KLF12: variants seen among roughly 807,000 people sequenced by gnomAD.
KLF12 encodes the protein KLF transcription factor 12, also known as Krueppel-like factor 12.
Under a neutral mutation model 37.8 loss-of-function variants are expected in KLF12, and 9 were observed. That is an observed-to-expected ratio of 0.24 (90% confidence interval 0.14 to 0.42). The LOEUF is 0.42. KLF12 is among the 10% of genes least tolerant of loss of function. KLF12 has a pLI of 1.00. For missense variants in KLF12, 411 were observed against 516.0 expected (o/e 0.80, Z 1.97); for synonymous variants, 208 against 202.1 (o/e 1.03, Z -0.25).
intron 1 of KLF12, among the ~76,000 whole-genome samples, chr13:74,067,619 G>A (rs1873990189): frequency 6.6e-6 from 1 of 152,118 alleles, no homozygotes; most frequent in Non-Finnish European, 1.5e-5. Flanking sequence ...AAAAACCACA[G>A]GAATTAATGA....
At chr13:74,264,850 C>G in the KLF12 span, among the ~76,000 whole-genome samples, 7 of 151,948 alleles carry the variant, frequency 4.6e-5, no homozygotes, top group Non-Finnish European at 8.8e-5. Flanking sequence ...CAAACATGCT[C>G]AACCAAAAAG....
At chr13:73,885,070 C>A (rs1279003038) in intron 3 of KLF12, among the ~76,000 whole-genome samples, 2 of 152,228 alleles carry the variant, frequency 1.3e-5, no homozygotes, top group Non-Finnish European at 2.9e-5. Flanking sequence ...ACTCTAATTA[C>A]TTTCCTAGGT....
At position 73,691,656 on chromosome 13, in the gene KLF12, G is replaced by T. The variant is rs1240095426; in HGVS notation, c.*3834C>A. 6.6e-6 allele frequency: 1 copy of T among 152,476 alleles called. No homozygotes were observed. The highest frequency in any genetic ancestry group is 1.5e-5 in the Non-Finnish European group (1 of 68,006). The allele number at this position is 152,476 out of a possible 1,614,324, so 9.4% of individuals were successfully genotyped here. On this transcript the variant is annotated 3_prime_UTR_variant, in exon 8 of 8. Coordinates refer to ENST00000377669, the MANE Select transcript of KLF12 (RefSeq NM_007249.5). ...AAGCAGTCATAACAACATAACAAAG[G>T]CGTATTAATACATTTTGAAGGCCTC... is the stretch of plus-strand genomic sequence containing the variant.
At chr13:73,724,967 T>TA (rs143010932) in intron 6 of KLF12, among the ~76,000 whole-genome samples, 6,225 of 152,278 alleles carry the variant, frequency 0.041, 442 homozygotes, top group African/African-American at 0.14. Flanking sequence ...ACTACACACT[T>TA]ACGCTATTTC....
intron 6 of KLF12, among the ~76,000 whole-genome samples, chr13:73,756,011 C>T (rs1007710277): frequency 2.0e-5 from 3 of 152,232 alleles, no homozygotes; most frequent in African/African-American, 4.8e-5. Context: ...GACTGATGGG[C>T]ATTTGGGCTG....
chr13:73,958,559 C>A (rs1291708295), intron 2 of KLF12, among the ~76,000 whole-genome samples: 2 of 151,822 alleles, frequency 1.3e-5, no homozygotes, highest in Non-Finnish European at 2.9e-5. Flanking sequence ...TTTTTTTAAA[C>A]TTGTAAAATG....
intron 1 of KLF12, among the ~76,000 whole-genome samples, chr13:74,118,493 G>A (rs1169371153): frequency 6.6e-6 from 1 of 152,128 alleles, no homozygotes; most frequent in East Asian, 1.9e-4. Flanking sequence ...AGGAAATCTG[G>A]TTTCCTCTGA....
chr13:74,140,246 G>T, the KLF12 span, among the ~76,000 whole-genome samples: 1 of 152,174 alleles, frequency 6.6e-6, no homozygotes, highest in Non-Finnish European at 1.5e-5. Context: ...TTTATGGCCA[G>T]CTGCAATGGC....
chr13:74,305,807 C>T, the KLF12 span, among the ~76,000 whole-genome samples: 1 of 151,992 alleles, frequency 6.6e-6, no homozygotes, highest in Non-Finnish European at 1.5e-5. Flanking sequence ...ACACTAATAA[C>T]AGAGGAAAAT....
the KLF12 span, among the ~76,000 whole-genome samples, chr13:74,158,158 G>A: frequency 1.4e-4 from 22 of 152,202 alleles, no homozygotes; most frequent in South Asian, 8.3e-4. Flanking sequence ...GGGCTTCAGG[G>A]GAAGGCCCTG....
rs58416242 is a variant in KLF12, at chr13:73,777,719, G to GAA, written c.807-12721_807-12720dup. 5.4e-3 allele frequency among the ~76,000 whole-genome samples: 778 copies of GAA among 144,806 alleles called. 5 individuals carry two copies. Among genetic ancestry groups the GAA allele is most frequent in the African/African-American group, 0.018 (705 of 39,496 alleles). The allele number at this position is 144,806 out of a possible 152,430, so 95.0% of individuals were successfully genotyped here. ...ATGAAACTCCATTTCAAAAAAAAAAGAAAAAAAAAAGAATTCAATGGCAAA... is the reference window on the plus strand; with the variant it reads ...ATGAAACTCCATTTCAAAAAAAAAAGAAAAAAAAAAAAGAATTCAATGGCAAA... On this transcript the variant is annotated intron_variant, in intron 5 of 7. Coordinates refer to ENST00000377669, the MANE Select transcript of KLF12 (RefSeq NM_007249.5).
intron 2 of KLF12, among the ~76,000 whole-genome samples, chr13:73,979,266 G>A (rs1023120976): frequency 2.0e-5 from 3 of 151,362 alleles, no homozygotes; most frequent in African/African-American, 7.3e-5. Context: ...CATGTGTGTC[G>A]GAGCAGAGGC....
At chr13:73,814,038 CTG>C (rs1883084805) in intron 4 of KLF12, among the ~76,000 whole-genome samples, 1 of 152,210 alleles carries the variant, frequency 6.6e-6, no homozygotes, top group Non-Finnish European at 1.5e-5. Context: ...GGGTTACTTA[CTG>C]TCAACATATG....
At chr13:73,759,562 A>G (rs1163415863) in intron 6 of KLF12, among the ~76,000 whole-genome samples, 1 of 152,122 alleles carries the variant, frequency 6.6e-6, no homozygotes, top group Non-Finnish European at 1.5e-5. Context: ...CCTTCTGCTT[A>G]GCTTGTAATG....
chr13:74,077,333 T>C (rs1264290992), intron 1 of KLF12, among the ~76,000 whole-genome samples: 1 of 152,186 alleles, frequency 6.6e-6, no homozygotes, highest in Non-Finnish European at 1.5e-5. Flanking sequence ...TTAAATCATG[T>C]TTTAATATCA....
intron 1 of KLF12, among the ~76,000 whole-genome samples, chr13:74,084,923 T>C (rs1471274905): frequency 6.6e-6 from 1 of 152,212 alleles, no homozygotes; most frequent in Non-Finnish European, 1.5e-5. Flanking sequence ...TCATTATAGT[T>C]TGCAGGAGGT....
Position 73,909,460 on chromosome 13 carries a change from A to G in KLF12, c.123+34521T>C, listed in dbSNP as rs575481463. Among the ~76,000 whole-genome samples, 3 of 152,346 alleles carry G rather than the reference A, an allele frequency of 2.0e-5. No homozygotes were observed. The South Asian group carries it at 6.2e-4, about 32-fold the overall frequency. ...AAATCTGAAAATCTGTTGTCTTTTC[A>G]CATATATGCCTGTTCCTCTGTGGAC... On this transcript the variant is annotated intron_variant, in intron 3 of 7. Transcript: ENST00000377669.
At chr13:73,851,880 G>A (rs1044388527) in intron 3 of KLF12, among the ~76,000 whole-genome samples, 1 of 152,184 alleles carries the variant, frequency 6.6e-6, no homozygotes, top group Non-Finnish European at 1.5e-5. Flanking sequence ...TATTTTAGGT[G>A]AAGAGCCAAA....
At chr13:73,920,686 A>G (rs1889072324) in intron 3 of KLF12, among the ~76,000 whole-genome samples, 6 of 152,060 alleles carry the variant, frequency 3.9e-5, no homozygotes, top group Admixed American at 3.9e-4. Flanking sequence ...GTCCTTTCCT[A>G]AAAGTTACGT....
Sources: allele counts gnomAD v4.1 joint callset (sites outside exome capture counted in the v4.1 genomes callset), GRCh38; gene constraint gnomAD v4.1.1; transcripts MANE v1.5; gene names NCBI Gene and HGNC (gene_info 2026-07-23, HGNC 2026-07-21).